The following GARNL3 variants were observed in gnomAD, a reference collection of about 807,000 sequenced individuals.
GARNL3 encodes the protein GTPase activating Rap/RanGAP domain like 3.
A neutral mutation model predicts 125.0 loss-of-function variants in GARNL3; 63 were observed. The ratio of observed to expected loss-of-function variants is 0.50; its 90% CI spans 0.41 to 0.62. The LOEUF (loss-of-function observed/expected upper bound fraction) is 0.62. Ranked by LOEUF, GARNL3 falls within the 20% of genes least tolerant of loss-of-function variation. The probability of loss-of-function intolerance (pLI) is 0.00; values close to 1 mark genes in which losing one functional copy is unlikely to be tolerated. For missense variants in GARNL3, 994 were observed against 1,244.0 expected (o/e 0.80, Z 3.02); for synonymous variants, 439 against 457.5 (o/e 0.96, Z 0.52).
In GARNL3 at chr9:127,387,202, T is replaced by C; in HGVS notation, c.2398T>C (p.Tyr800His). ...LQLVASRSDIYFTATAAVNEV... is the reference protein window; with the variant it reads ...LQLVASRSDIHFTATAAVNEV... ...CTCTCTTCCTTTCTAGTCGGATATA[T>C]ACTTCACAGCAACTGCAGCTGTGAA... The change falls in exon 25 of 28, where the codon TAC becomes CAC. Residue 800 changes from tyrosine (Y) to histidine (H), a missense_variant. Tyr to His is a moderately conservative substitution (Grantham distance 83). Around this residue, in one of 5 missense-constraint regions of GARNL3, gnomAD observed 728 missense variants for 865.7 expected, o/e 0.84. Coordinates refer to ENST00000373387, the MANE Select transcript of GARNL3 (RefSeq NM_032293.5). 6.2e-7 allele frequency: 1 copy of C among 1,613,414 alleles called. No homozygotes were observed. Among genetic ancestry groups the C allele is most frequent in the Non-Finnish European group, 8.5e-7 (1 of 1,179,766 alleles).
chr9:127,273,932 A>G (rs1244065517), intron 1 of GARNL3, among the ~76,000 whole-genome samples: 1 of 152,186 alleles, frequency 6.6e-6, no homozygotes, highest in African/African-American at 2.4e-5. Context: ...ACTTTATAAC[A>G]TGCATCCTCA....
chr9:127,327,495 CG>C (rs2065611461), intron 7 of GARNL3, among the ~76,000 whole-genome samples: 2 of 152,178 alleles, frequency 1.3e-5, no homozygotes, highest in East Asian at 3.9e-4. Flanking sequence ...AAATTGTTGG[CG>C]GGAGTTGCTT....
intron 6 of GARNL3, among the ~76,000 whole-genome samples, chr9:127,323,302 G>A (rs1206757158): frequency 6.6e-6 from 1 of 152,196 alleles, no homozygotes; most frequent in Non-Finnish European, 1.5e-5. Flanking sequence ...TGTTAAGTGG[G>A]ACATTGGCAA....
chr9:127,324,515 G>A (rs1052617006), intron 6 of GARNL3, among the ~76,000 whole-genome samples: 14 of 152,090 alleles, frequency 9.2e-5, no homozygotes, highest in African/African-American at 2.9e-4. Flanking sequence ...TTCCCACTCC[G>A]TTCAGCCACA....
intron 22 of GARNL3, among the ~76,000 whole-genome samples, chr9:127,376,342 C>A (rs1417965390): frequency 3.3e-5 from 5 of 152,054 alleles, no homozygotes; most frequent in African/African-American, 1.2e-4. Flanking sequence ...CCTCAGCTTC[C>A]CGAGTAGCTG....
At chr9:127,291,346 G>A in intron 2 of GARNL3, 104 bp downstream of exon 2, 1 of 1,011,966 alleles carries the variant, frequency 9.9e-7, no homozygotes, top group Non-Finnish European at 1.5e-6. Flanking sequence ...GAGCTTTTCA[G>A]AGCTTTGCTT....
chr9:127,328,535 C>G (rs1178555358), intron 7 of GARNL3, among the ~76,000 whole-genome samples: 1 of 152,070 alleles, frequency 6.6e-6, no homozygotes, highest in Non-Finnish European at 1.5e-5. Flanking sequence ...TAGAGAGGCA[C>G]CCCCACAAGA....
upstream of GARNL3, among the ~76,000 whole-genome samples, chr9:127,263,383 C>T (rs563261189): frequency 2.0e-5 from 3 of 152,142 alleles, no homozygotes; most frequent in East Asian, 3.9e-4. Context: ...ATTGAAGCGG[C>T]GGGTTGAGCT....
chr9:127,382,414 G>T (rs1199739848), intron 22 of GARNL3, among the ~76,000 whole-genome samples: 1 of 151,990 alleles, frequency 6.6e-6, no homozygotes, highest in South Asian at 2.1e-4. Flanking sequence ...CTCAGGAGTT[G>T]GAAACCAGGC....
chr9:127,370,933 T>C (rs1831570602), intron 22 of GARNL3, among the ~76,000 whole-genome samples: 1 of 152,198 alleles, frequency 6.6e-6, no homozygotes, highest in Non-Finnish European at 1.5e-5. Context: ...CACTCCTTAC[T>C]GTACAGCCCA....
chr9:127,383,566 A>G (rs757092359), intron 23 of GARNL3, 21 bp downstream of exon 23: 47 of 1,492,074 alleles, frequency 3.1e-5, no homozygotes, highest in Non-Finnish European at 4.2e-5. Flanking sequence ...TCTTTATCAT[A>G]ATGCTTTTCT....
At chr9:127,383,999 G>A (rs150359102) in intron 23 of GARNL3, among the ~76,000 whole-genome samples, 2 of 152,296 alleles carry the variant, frequency 1.3e-5, no homozygotes, top group East Asian at 3.9e-4. Flanking sequence ...GGACATGAGC[G>A]GCGATGCTTT....
chr9:127,349,677 T>C (rs1588906861), intron 17 of GARNL3, among the ~76,000 whole-genome samples: 1 of 151,996 alleles, frequency 6.6e-6, no homozygotes, highest in East Asian at 1.9e-4. Flanking sequence ...AAGGACAGTG[T>C]GGTCCCTTCC....
intron 2 of GARNL3, among the ~76,000 whole-genome samples, chr9:127,248,075 A>G (rs2063334433): frequency 1.3e-5 from 2 of 152,232 alleles, no homozygotes; most frequent in African/African-American, 4.8e-5. Context: ...AAGCTTTGAA[A>G]TACCTAGTTT....
intron 1 of GARNL3, among the ~76,000 whole-genome samples, chr9:127,286,646 G>T (rs1000250773): frequency 1.3e-5 from 2 of 152,164 alleles, no homozygotes; most frequent in East Asian, 1.9e-4. Context: ...TCATCTGAAA[G>T]CTGATTATAG....
Position 127,392,636 on chromosome 9 carries a change from C to T in GARNL3, c.2871-447C>T, listed in dbSNP as rs1043020080. On this transcript the variant is annotated intron_variant, in intron 27 of 27. Transcript: ENST00000373387. The surrounding 1 kb of genome is among the most constrained non-coding windows in gnomAD (Gnocchi z 5.2). ...GCATTAACTCTCTGAGAAGTGGAAACCAATATTGGTCAAATTAATATGCAG... is the reference window on the plus strand; with the variant it reads ...GCATTAACTCTCTGAGAAGTGGAAATCAATATTGGTCAAATTAATATGCAG... Among the ~76,000 whole-genome samples, 2 of 152,186 alleles carry T rather than the reference C, an allele frequency of 1.3e-5. No individual in the cohort carries two copies. Among genetic ancestry groups the T allele is most frequent in the African/African-American group, 2.4e-5 (1 of 41,440 alleles).
chr9:127,366,098 C>T (rs969903477), intron 22 of GARNL3, among the ~76,000 whole-genome samples: 4 of 152,104 alleles, frequency 2.6e-5, no homozygotes, highest in African/African-American at 9.7e-5. Context: ...GATAAAGCTG[C>T]CCAGTCTAAC....
intron 2 of GARNL3, among the ~76,000 whole-genome samples, chr9:127,292,160 A>G (rs922094537): frequency 4.6e-5 from 7 of 152,204 alleles, no homozygotes; most frequent in Admixed American, 2.0e-4. Context: ...GACATTTGGG[A>G]AGTGATTGCA....
intron 2 of GARNL3, among the ~76,000 whole-genome samples, chr9:127,249,678 T>C (rs1052704014): frequency 6.6e-6 from 1 of 152,058 alleles, no homozygotes; most frequent in Non-Finnish European, 1.5e-5. Flanking sequence ...AGGGGCTTGG[T>C]TAAGTAAAAT....
Sources: gnomAD v4.1 joint callset for allele counts (sites outside exome capture counted in the v4.1 genomes callset) on GRCh38, gnomAD v4.1.1 for gene constraint, gnomAD v4.1.1 regional missense constraint, Gnocchi (gnomAD v3.1) non-coding constraint, MANE v1.5 for transcripts, NCBI Gene and HGNC (gene_info 2026-07-23, HGNC 2026-07-21) for gene names.